The following ATP6V0C variants were observed in gnomAD, a reference collection of about 807,000 sequenced individuals.
ATP6V0C encodes the protein ATPase H+ transporting V0 subunit c.
ATP6V0C carries 2 observed loss-of-function variants against 10.6 expected under a neutral mutation model. The ratio of observed to expected loss-of-function variants is 0.19; its 90% CI spans 0.08 to 0.59. The LOEUF (loss-of-function observed/expected upper bound fraction) is 0.59. ATP6V0C is among the 20% of genes least tolerant of loss of function. The pLI is 0.90. For missense variants in ATP6V0C, 89 were observed against 225.9 expected, an observed-to-expected ratio of 0.39 and a Z score of 3.88; for synonymous variants, 128 against 101.3, an observed-to-expected ratio of 1.26 and a Z score of -1.59.
At chr16:2,514,390 G>C in intron 1 of ATP6V0C, 1 of 338,924 alleles carries the variant, frequency 3.0e-6, no homozygotes, top group Non-Finnish European at 5.1e-6. Flanking sequence ...TGCGGGCCTG[G>C]CCGGGGTGTG....
Position 2,519,615 on chromosome 16 carries a change from TG to T in ATP6V0C, c.343del (p.Asp115ThrfsTer17). 2 of 1,599,298 alleles carry T rather than the reference TG, an allele frequency of 1.3e-6. No homozygotes were observed. The highest frequency in any genetic ancestry group is 8.6e-7 in the Non-Finnish European group (1 of 1,169,578). On this transcript the variant is annotated frameshift_variant, in exon 3 of 3. Transcript: ENST00000330398. LOFTEE classifies it high-confidence loss of function. ...GLAAGFAIGI[V>X]GDAGVRGTAQ... ...GCAGCCGGCTTTGCCATCGGCATCG[TG>T]GGGGACGCTGGCGTGCGGGGCACCG... is the stretch of plus-strand genomic sequence containing the variant.
chr16:2,514,708 C>T (rs564969878), intron 1 of ATP6V0C, among the ~76,000 whole-genome samples: 1 of 152,322 alleles, frequency 6.6e-6, no homozygotes, highest in Admixed American at 6.5e-5. Context: ...GGCGGCCGGC[C>T]CCGAGGGTCA....
chr16:2,513,889 C>A, upstream of ATP6V0C: 2 of 476,638 alleles, frequency 4.2e-6, no homozygotes, highest in South Asian at 5.1e-5. Context: ...CCCCACGGTG[C>A]GAAGTGGTAC....
rs749034390 is a variant in ATP6V0C, at chr16:2,519,276, C to T, written c.138C>T (p.Val46=). ...KSGTGIAAMS[V]MRPEQIMKSI... ...GTACCGGCATTGCGGCCATGTCTGTCATGCGGCCGGAGCAGATCATGAAGT... is the reference window on the plus strand; with the variant it reads ...GTACCGGCATTGCGGCCATGTCTGTTATGCGGCCGGAGCAGATCATGAAGT... The change falls in exon 2 of 3, where the codon GTC becomes GTT. Residue 46 remains valine, a synonymous_variant. Transcript: ENST00000330398. The T allele has an allele frequency of 4.3e-6, 7 of 1,614,144 alleles. No homozygotes were observed. Among genetic ancestry groups the T allele is most frequent in the South Asian group, 3.3e-5 (3 of 91,084 alleles).
At position 2,519,924 on chromosome 16, in the gene ATP6V0C, C is replaced by T. The variant is rs531952668; in HGVS notation, c.*179C>T. ...GGCCTTGCCCCCGCCCGCCCCGTGC[C>T]GTGGACATCTGGGCCCACTCATCGC... On this transcript the variant is annotated 3_prime_UTR_variant, in exon 3 of 3. Transcript: ENST00000330398. 9.9e-6 allele frequency: 9 copies of T among 912,998 alleles called. No homozygotes were observed. The highest frequency in any genetic ancestry group is 4.3e-5 in the South Asian group (3 of 70,398). The allele number at this position is 912,998 out of a possible 1,614,324, so 56.6% of individuals were successfully genotyped here.
At chr16:2,513,807 C>T (rs1311444974), upstream of ATP6V0C, 1 of 211,792 alleles carries the variant, frequency 4.7e-6, no homozygotes, top group Non-Finnish European at 9.3e-6. Context: ...GGCGCCGGGG[C>T]CGGGTCGCTG....
In ATP6V0C at chr16:2,519,764, A is replaced by T. The variant is rs765295553; in HGVS notation, c.*19A>T. The T allele has an allele frequency of 6.3e-7, 1 of 1,585,434 alleles. No individual in the cohort carries two copies. The highest frequency in any genetic ancestry group is 8.6e-7 in the Non-Finnish European group (1 of 1,159,736). On this transcript the variant is annotated 3_prime_UTR_variant, in exon 3 of 3. Coordinates refer to ENST00000330398, the MANE Select transcript of ATP6V0C (RefSeq NM_001694.4). ...AAAGTAGACCCTCTCCGAGCCCACC[A>T]GCCACAGAATATTATGTAAAGACCA...
intron 1 of ATP6V0C, among the ~76,000 whole-genome samples, chr16:2,518,841 G>A (rs1474030853): frequency 2.6e-5 from 4 of 152,216 alleles, no homozygotes; most frequent in Non-Finnish European, 4.4e-5. Flanking sequence ...TAGCCCCAAG[G>A]GTCGACTGAC....
intron 1 of ATP6V0C, chr16:2,518,991 G>T: frequency 3.9e-6 from 2 of 514,300 alleles, no homozygotes; most frequent in East Asian, 6.6e-5. Flanking sequence ...CTCTGAGGGT[G>T]GGGGCCTCAC....
Position 2,519,775 on chromosome 16 carries a change from A to G in ATP6V0C, c.*30A>G. On this transcript the variant is annotated 3_prime_UTR_variant, in exon 3 of 3. Coordinates refer to ENST00000330398, the MANE Select transcript of ATP6V0C (RefSeq NM_001694.4). Reference sequence around the variant, plus strand: ...TCTCCGAGCCCACCAGCCACAGAATATTATGTAAAGACCACCCCTCCTCAT... The same window carrying G: ...TCTCCGAGCCCACCAGCCACAGAATGTTATGTAAAGACCACCCCTCCTCAT... 1.3e-6 allele frequency: 2 copies of G among 1,583,012 alleles called. No homozygotes were observed. Among genetic ancestry groups the G allele is most frequent in the Non-Finnish European group, 8.6e-7 (1 of 1,158,164 alleles).
rs746189093 is a variant in ATP6V0C, at chr16:2,519,628, C to T, written c.351C>T (p.Gly117=). ...CCATCGGCATCGTGGGGGACGCTGG[C>T]GTGCGGGGCACCGCCCAGCAGCCCC... ...GFAIGIVGDA[G]VRGTAQQPRL... is the part of the protein sequence containing the mutation. The change falls in exon 3 of 3, where the codon GGC becomes GGT. Residue 117 remains glycine, a synonymous_variant. Coordinates refer to ENST00000330398, the MANE Select transcript of ATP6V0C (RefSeq NM_001694.4). 35 of 1,603,110 alleles carry T rather than the reference C, an allele frequency of 2.2e-5. No individual in the cohort carries two copies. The highest frequency in any genetic ancestry group is 2.8e-5 in the Non-Finnish European group (33 of 1,171,988).
At chr16:2,517,566 C>T (rs1567422103) in intron 1 of ATP6V0C, 1 of 152,306 alleles carries the variant, frequency 6.6e-6, no homozygotes, top group Non-Finnish European at 1.5e-5. Context: ...GTCACCGCGC[C>T]TGTGTCCTCA....
In ATP6V0C at chr16:2,519,264, G is replaced by A. The variant is rs371853850; in HGVS notation, c.126G>A (p.Ala42=). The change falls in exon 2 of 3, where the codon GCG becomes GCA. Residue 42 remains alanine (A), a synonymous_variant. Coordinates refer to ENST00000330398, the MANE Select transcript of ATP6V0C (RefSeq NM_001694.4). ...CAGCCAAGAGCGGTACCGGCATTGCGGCCATGTCTGTCATGCGGCCGGAGC... is the reference window on the plus strand; with the variant it reads ...CAGCCAAGAGCGGTACCGGCATTGCAGCCATGTCTGTCATGCGGCCGGAGC... ...YGTAKSGTGI[A]AMSVMRPEQI... The A allele has an allele frequency of 6.8e-6, 11 of 1,614,080 alleles. No individual in the cohort carries two copies. Among genetic ancestry groups the A allele is most frequent in the East Asian group, 2.2e-5 (1 of 44,882 alleles).
At chr16:2,514,313 T>G (rs1415560348) in intron 1 of ATP6V0C, 131 bp downstream of exon 1, 10 of 1,026,128 alleles carry the variant, frequency 9.7e-6, no homozygotes, top group Non-Finnish European at 1.2e-5. Flanking sequence ...GGGCCTCGTG[T>G]GACAGCGGGC....
chr16:2,518,485 G>T (rs1180579098), intron 1 of ATP6V0C, among the ~76,000 whole-genome samples: 2 of 152,178 alleles, frequency 1.3e-5, no homozygotes, highest in Non-Finnish European at 2.9e-5. Context: ...CTCGTAGTTG[G>T]ACTGTTGATG....
At chr16:2,516,164 G>C (rs2065876343) in intron 1 of ATP6V0C, among the ~76,000 whole-genome samples, 1 of 149,278 alleles carries the variant, frequency 6.7e-6, no homozygotes, top group African/African-American at 2.5e-5. Context: ...CCAGGCTGGA[G>C]TGCAGTGGTG....
At position 2,519,211 on chromosome 16, in the gene ATP6V0C, C is replaced by T; in HGVS notation, c.80-7C>T. On this transcript the variant is annotated splice_region_variant and splice_polypyrimidine_tract_variant and intron_variant, in intron 1 of 2. Coordinates refer to ENST00000330398, the MANE Select transcript of ATP6V0C (RefSeq NM_001694.4). ...TGCTGTGGGCTCACCCCGCCTTCCT[C>T]CCACAGCCCTGGGCGCTGCCTATGG... 1.9e-6 allele frequency: 3 copies of T among 1,606,502 alleles called. No individual in the cohort carries two copies. Among genetic ancestry groups the T allele is most frequent in the Non-Finnish European group, 2.6e-6 (3 of 1,175,390 alleles).
chr16:2,518,179 T>C (rs2065886481), intron 1 of ATP6V0C, among the ~76,000 whole-genome samples: 1 of 152,212 alleles, frequency 6.6e-6, no homozygotes, highest in African/African-American at 2.4e-5. Context: ...AGTAGGCCCC[T>C]GTGGTGGCCC....
chr16:2,514,039 C>T lies in ATP6V0C; in HGVS notation c.-65C>T, dbSNP rs909374883. The T allele has an allele frequency of 6.2e-6, 9 of 1,449,012 alleles. No individual in the cohort carries two copies. The highest frequency in any genetic ancestry group is 4.4e-5 in the African/African-American group (3 of 67,820). 89.8% of individuals were successfully genotyped at this position (1,449,012 alleles called of 1,614,324 possible). On this transcript the variant is annotated 5_prime_UTR_variant, in exon 1 of 3. Coordinates refer to ENST00000330398, the MANE Select transcript of ATP6V0C (RefSeq NM_001694.4). ...CGCCCGCAAACCTTCGTGCCCGGCCCGTCCTCGCCCCCGCCTCCGCCACCG... is the reference window on the plus strand; with the variant it reads ...CGCCCGCAAACCTTCGTGCCCGGCCTGTCCTCGCCCCCGCCTCCGCCACCG...
Sources: gnomAD v4.1 joint callset for allele counts (sites outside exome capture counted in the v4.1 genomes callset) on GRCh38, gnomAD v4.1.1 for gene constraint, MANE v1.5 for transcripts, NCBI Gene and HGNC (gene_info 2026-07-23, HGNC 2026-07-21) for gene names.